The following DLGAP2 variants were observed in gnomAD, a reference collection of about 807,000 sequenced individuals.
DLGAP2 encodes the protein disks large-associated protein 2.
DLGAP2 carries 26 observed loss-of-function variants against 100.3 expected under a neutral mutation model. That is an observed-to-expected ratio of 0.26 (90% CI 0.19 to 0.36). The LOEUF is 0.36. Among genes scored for constraint, DLGAP2 ranks in the 10% least tolerant of loss-of-function variants. The probability of loss-of-function intolerance (pLI) is 1.00; values close to 1 mark genes in which losing one functional copy is unlikely to be tolerated. For missense variants in DLGAP2, 1,858 were observed against 1,453.2 expected, an observed-to-expected ratio of 1.28 and a Z score of -4.53; for synonymous variants, 886 against 630.1, an observed-to-expected ratio of 1.41 and a Z score of -6.08.
intron 2 of DLGAP2, among the ~76,000 whole-genome samples, chr8:1,039,116 G>A (rs1005720672): frequency 1.3e-5 from 2 of 151,898 alleles, no homozygotes; most frequent in African/African-American, 2.4e-5. Context: ...CTGGTTGGTT[G>A]CGTTGAGGGA....
chr8:1,136,662 C>T (rs1240277882), intron 2 of DLGAP2, among the ~76,000 whole-genome samples: 2 of 152,216 alleles, frequency 1.3e-5, no homozygotes, highest in Admixed American at 1.3e-4. Flanking sequence ...TCTCTATGCT[C>T]TTCAAATTGA....
chr8:1,523,396 G>C (rs917651563), intron 4 of DLGAP2, among the ~76,000 whole-genome samples: 1 of 152,180 alleles, frequency 6.6e-6, no homozygotes, highest in African/African-American at 2.4e-5. Context: ...CCGGCCTCAC[G>C]CCGGCCGAGC....
At chr8:1,178,105 A>C (rs1797301583) in intron 2 of DLGAP2, among the ~76,000 whole-genome samples, 1 of 152,154 alleles carries the variant, frequency 6.6e-6, no homozygotes, top group South Asian at 2.1e-4. Flanking sequence ...TGTCAGAGTC[A>C]TTACCCCAGA....
chr8:1,379,050 T>A (rs928202112), intron 3 of DLGAP2, among the ~76,000 whole-genome samples: 3 of 152,228 alleles, frequency 2.0e-5, no homozygotes, highest in Admixed American at 6.5e-5. Context: ...AATGAAAAAA[T>A]TCAATTTCTT....
chr8:1,025,926 A>G (rs1801785145), intron 2 of DLGAP2, among the ~76,000 whole-genome samples: 1 of 152,170 alleles, frequency 6.6e-6, no homozygotes, highest in South Asian at 2.1e-4. Flanking sequence ...AGTTCCGTAG[A>G]GTTTCTAGGG....
intron 2 of DLGAP2, among the ~76,000 whole-genome samples, chr8:1,151,654 T>C (rs1235486810): frequency 6.6e-6 from 1 of 152,172 alleles, no homozygotes; most frequent in African/African-American, 2.4e-5. Flanking sequence ...AGAGAGCTCT[T>C]CCGGTGCCTG....
chr8:1,437,272 C>G (rs868064780), intron 3 of DLGAP2, among the ~76,000 whole-genome samples: 58 of 149,002 alleles, frequency 3.9e-4, no homozygotes, highest in African/African-American at 1.3e-3. Flanking sequence ...ATCCGGGTCT[C>G]CGTTCAGCCC....
intron 2 of DLGAP2, among the ~76,000 whole-genome samples, chr8:1,216,114 C>T (rs1042132218): frequency 6.6e-6 from 1 of 152,188 alleles, no homozygotes; most frequent in Non-Finnish European, 1.5e-5. Context: ...TCTGTTTTCT[C>T]AGTTGTAAAG....
At chr8:1,076,093 C>G (rs995822679) in intron 2 of DLGAP2, among the ~76,000 whole-genome samples, 4 of 152,054 alleles carry the variant, frequency 2.6e-5, no homozygotes, top group Admixed American at 6.5e-5. Context: ...TTCACAACAA[C>G]GTTATCTAGA....
intron 2 of DLGAP2, among the ~76,000 whole-genome samples, chr8:974,819 C>G (rs1242733149): frequency 6.6e-6 from 1 of 152,080 alleles, no homozygotes; most frequent in African/African-American, 2.4e-5. Flanking sequence ...AATCAATCAT[C>G]TAAACTTCTT....
At position 1,554,304 on chromosome 8, in the gene DLGAP2, T is replaced by A. The variant is rs568608512; in HGVS notation, c.1230+4621T>A. Among the ~76,000 whole-genome samples the A allele has an allele frequency of 5.2e-3, 781 of 150,468 alleles. 3 individuals carry two copies. Among genetic ancestry groups the A allele is most frequent in the South Asian group, 0.02 (94 of 4,762 alleles). On this transcript the variant is annotated intron_variant, in intron 5 of 14. Coordinates refer to ENST00000637795, the MANE Select transcript of DLGAP2 (RefSeq NM_001346810.2). The stretch of plus-strand genomic sequence containing the variant: ...CTCCATCTCTAAATAAATAAATTAA[T>A]TAAATAAATAAATAAATAAATAAAA...
intron 2 of DLGAP2, among the ~76,000 whole-genome samples, chr8:1,121,459 C>G (rs982502967): frequency 1.3e-5 from 2 of 151,992 alleles, no homozygotes; most frequent in Non-Finnish European, 2.9e-5. Flanking sequence ...AACACATGAC[C>G]TCCCATCCTC....
chr8:1,076,651 G>T (rs1563179230), intron 2 of DLGAP2, among the ~76,000 whole-genome samples: 1 of 152,230 alleles, frequency 6.6e-6, no homozygotes, highest in Non-Finnish European at 1.5e-5. Context: ...GCAGTTGGCA[G>T]AGTTTTAGGA....
At chr8:978,573 G>A (rs1800232965) in intron 2 of DLGAP2, among the ~76,000 whole-genome samples, 1 of 141,382 alleles carries the variant, frequency 7.1e-6, no homozygotes, top group Non-Finnish European at 1.6e-5. Context: ...GTTGTGGGGA[G>A]GGCGTCGGGG....
chr8:1,604,465 A>C (rs1044253254), intron 6 of DLGAP2: 9 of 151,976 alleles, frequency 5.9e-5, no homozygotes, highest in African/African-American at 2.2e-4. Flanking sequence ...TTTATTTAAA[A>C]TTTGGATTTG....
intron 2 of DLGAP2, among the ~76,000 whole-genome samples, chr8:1,221,950 G>A (rs367986804): frequency 1.3e-5 from 2 of 152,116 alleles, no homozygotes; most frequent in Non-Finnish European, 2.9e-5. Context: ...TTCCAGTTCT[G>A]TTTGGTTCTG....
intron 5 of DLGAP2, among the ~76,000 whole-genome samples, chr8:1,550,671 A>G (rs1313868900): frequency 1.3e-5 from 2 of 152,204 alleles, no homozygotes; most frequent in African/African-American, 2.4e-5. Context: ...ACCAAAGGCA[A>G]AAACAAAGAA....
intron 2 of DLGAP2, among the ~76,000 whole-genome samples, chr8:953,190 TTTTTTTC>T (rs1268041903): frequency 5.9e-5 from 9 of 152,044 alleles, no homozygotes; most frequent in Non-Finnish European, 1.2e-4. Context: ...CTATGTTTCT[TTTTTTTC>T]TTTTTTCTTT....
chr8:1,305,969 T>C (rs2117006047), intron 3 of DLGAP2, among the ~76,000 whole-genome samples: 1 of 152,180 alleles, frequency 6.6e-6, no homozygotes, highest in Admixed American at 6.5e-5. Flanking sequence ...TACTAATTTT[T>C]GCATGTAATT....
Sources: gnomAD v4.1 joint callset for allele counts (sites outside exome capture counted in the v4.1 genomes callset) on GRCh38, gnomAD v4.1.1 for gene constraint, MANE v1.5 for transcripts, NCBI Gene and HGNC (gene_info 2026-07-23, HGNC 2026-07-21) for gene names.